Variants in NAA60 observed in about 807,000 individuals in gnomAD.
NAA60 encodes N-alpha-acetyltransferase 60, NatF catalytic subunit.
NAA60 carries 8 observed loss-of-function variants against 26.1 expected under a neutral mutation model. That is an observed-to-expected ratio of 0.31 (90% CI 0.18 to 0.55). NAA60 has a LOEUF of 0.55. NAA60 is among the 20% of genes least tolerant of loss of function. The probability of loss-of-function intolerance (pLI) is 0.93; values close to 1 mark genes in which losing one functional copy is unlikely to be tolerated. For missense variants in NAA60, 290 were observed against 311.3 expected, an observed-to-expected ratio of 0.93 and a Z score of 0.51; for synonymous variants, 131 against 122.5, an observed-to-expected ratio of 1.07 and a Z score of -0.46.
chr16:3,476,209 C>T lies in NAA60; in HGVS notation c.-6-13C>T. ...GCTGTGAGGTGACGCGTCCCCCCCA[C>T]CCTTCCCCACAGGTGTGAATGACAG... On this transcript the variant is annotated splice_polypyrimidine_tract_variant and intron_variant, in intron 2 of 7. Coordinates refer to ENST00000407558, the MANE Select transcript of NAA60 (RefSeq NM_001083601.3). 2.5e-6 allele frequency: 4 copies of T among 1,577,726 alleles called. No individual in the cohort carries two copies. The highest frequency in any genetic ancestry group is 2.6e-6 in the Non-Finnish European group (3 of 1,151,610).
intron 2 of NAA60, among the ~76,000 whole-genome samples, chr16:3,453,570 G>A (rs1443431275): frequency 6.6e-6 from 1 of 151,978 alleles, no homozygotes; most frequent in Non-Finnish European, 1.5e-5. Context: ...CACCACGCCT[G>A]GCTAATTTTG....
At chr16:3,469,344 C>G (rs2035975517) in intron 2 of NAA60, among the ~76,000 whole-genome samples, 1 of 144,428 alleles carries the variant, frequency 6.9e-6, no homozygotes, top group African/African-American at 2.6e-5. Context: ...TGCCCTGGTA[C>G]CCGTCCTGTT....
Position 3,479,594 on chromosome 16 carries a change from TAA to T in NAA60, c.236_237del (p.Lys79ArgfsTer13). 6.2e-7 allele frequency: 1 copy of T among 1,613,908 alleles called. No homozygotes were observed. Among genetic ancestry groups the T allele is most frequent in the Non-Finnish European group, 8.5e-7 (1 of 1,179,834 alleles). ...AEIKNRTKIH[K>X]EDGDILASNF... ...AAATTAAGAACAGGACCAAAATACA[TAA>T]AGAGGTACGTACGTGTGTGCAGTGA... On this transcript the variant is annotated frameshift_variant, in exon 4 of 8. Coordinates refer to ENST00000407558, the MANE Select transcript of NAA60 (RefSeq NM_001083601.3). LOFTEE classifies it high-confidence loss of function.
Position 3,483,467 on chromosome 16 carries a change from A to C in NAA60, c.442A>C (p.Asn148His), listed in dbSNP as rs2036974859. The change falls in exon 6 of 8, where the codon AAC (asparagine) becomes CAC (histidine). Residue 148 changes from asparagine (N) to histidine (H), a missense_variant. Asn to His is a moderately conservative substitution (Grantham distance 68). Transcript: ENST00000407558. ...HVLTTNNTAINFYENRDFKQH... is the reference protein window; with the variant it reads ...HVLTTNNTAIHFYENRDFKQH... ...CCTCACCACCAACAACACAGCAATA[A>C]ACTTCTATGAAAACAGAGACTTCAA... 4 of 1,613,948 alleles carry C rather than the reference A, an allele frequency of 2.5e-6. No individual in the cohort carries two copies. The highest frequency in any genetic ancestry group is 3.4e-6 in the Non-Finnish European group (4 of 1,179,862).
intron 4 of NAA60, among the ~76,000 whole-genome samples, chr16:3,482,137 T>G (rs1287582482): frequency 6.6e-6 from 1 of 152,182 alleles, no homozygotes; most frequent in African/African-American, 2.4e-5. Flanking sequence ...GCCTACCAGG[T>G]GACATGCGTG....
chr16:3,452,586 G>A (rs949319260), intron 2 of NAA60, among the ~76,000 whole-genome samples: 3 of 151,822 alleles, frequency 2.0e-5, no homozygotes, highest in Non-Finnish European at 2.9e-5. Context: ...AGCCCAGGAG[G>A]CAGAAGTTGC....
chr16:3,471,203 T>C (rs543509194), intron 2 of NAA60, among the ~76,000 whole-genome samples: 3 of 152,168 alleles, frequency 2.0e-5, no homozygotes, highest in African/African-American at 7.2e-5. Flanking sequence ...TGAAAATCTT[T>C]AAAAATCAAC....
chr16:3,451,729 G>T (rs1276170029), intron 2 of NAA60, among the ~76,000 whole-genome samples: 1 of 152,020 alleles, frequency 6.6e-6, no homozygotes, highest in Non-Finnish European at 1.5e-5. Flanking sequence ...ACCAGCCTGG[G>T]CAACATGACA....
chr16:3,464,580 C>G (rs37769), intron 2 of NAA60, among the ~76,000 whole-genome samples: 20,089 of 152,190 alleles, frequency 0.13, 1,687 homozygotes, highest in Non-Finnish European at 0.19. Flanking sequence ...TAAGTTTTCT[C>G]TCCGAGAACA....
chr16:3,474,182 A>C (rs1014174853), intron 2 of NAA60, among the ~76,000 whole-genome samples: 3 of 152,214 alleles, frequency 2.0e-5, no homozygotes, highest in Admixed American at 1.3e-4. Flanking sequence ...CTGACGTTGA[A>C]CCAGGAGCTG....
chr16:3,445,840 A>G (rs938887334), intron 1 of NAA60, among the ~76,000 whole-genome samples: 3 of 152,236 alleles, frequency 2.0e-5, no homozygotes, highest in African/African-American at 4.8e-5. Flanking sequence ...CCTAAGAGCC[A>G]TCAAAACTAT....
chr16:3,460,984 T>C (rs1406478591), intron 2 of NAA60, among the ~76,000 whole-genome samples: 2 of 152,090 alleles, frequency 1.3e-5, no homozygotes, highest in East Asian at 1.9e-4. Context: ...CCCGGGCTGG[T>C]CTCAAATTCC....
chr16:3,446,967 G>A (rs761388313), intron 1 of NAA60, among the ~76,000 whole-genome samples: 5 of 151,790 alleles, frequency 3.3e-5, no homozygotes, highest in African/African-American at 9.7e-5. Context: ...TCAGCCTCCC[G>A]AGTAGCTGGG....
At chr16:3,462,707 A>G (rs2035490153) in intron 2 of NAA60, 1 of 152,182 alleles carries the variant, frequency 6.6e-6, no homozygotes, top group Admixed American at 6.5e-5. Context: ...TATTAAGAAA[A>G]GCGTTTTTCT....
At chr16:3,462,370 T>G (rs1477089562) in intron 2 of NAA60, among the ~76,000 whole-genome samples, 8 of 152,222 alleles carry the variant, frequency 5.3e-5, no homozygotes, top group African/African-American at 1.9e-4. Flanking sequence ...CCTTTGGTGT[T>G]CATGGGTGTT....
intron 2 of NAA60, among the ~76,000 whole-genome samples, chr16:3,458,741 C>T (rs967027276): frequency 1.3e-5 from 2 of 152,174 alleles, no homozygotes; most frequent in African/African-American, 2.4e-5. Flanking sequence ...TCCCAGCTTT[C>T]GTTGTTAAGA....
At chr16:3,449,093 G>C (rs565995688) in intron 2 of NAA60, 1 of 152,456 alleles carries the variant, frequency 6.6e-6, no homozygotes, top group East Asian at 1.9e-4. Flanking sequence ...GAGCCAAAGG[G>C]CTGGGCGCAG....
intron 1 of NAA60, among the ~76,000 whole-genome samples, chr16:3,446,667 G>A (rs888491712): frequency 8.1e-4 from 121 of 149,450 alleles, no homozygotes; most frequent in African/African-American, 2.2e-3. Flanking sequence ...CTGGAGAGCA[G>A]TGGTGCGATC....
chr16:3,471,090 G>C (rs2036110007), intron 2 of NAA60, among the ~76,000 whole-genome samples: 1 of 152,182 alleles, frequency 6.6e-6, no homozygotes, highest in South Asian at 2.1e-4. Context: ...ATTCACACTG[G>C]AAACAAATGA....
Sources: allele counts gnomAD v4.1 joint callset (sites outside exome capture counted in the v4.1 genomes callset), GRCh38; gene constraint gnomAD v4.1.1; transcripts MANE v1.5; gene names NCBI Gene and HGNC (gene_info 2026-07-23, HGNC 2026-07-21).